Variants in ZNF667 observed in about 807,000 individuals in gnomAD.
ZNF667 encodes myocardial ischemic preconditioning upregulated 1 ortholog.
Under a neutral mutation model 31.8 loss-of-function variants are expected in ZNF667, and 13 were observed. That is an observed-to-expected ratio of 0.41 (90% CI 0.27 to 0.65). The LOEUF (loss-of-function observed/expected upper bound fraction) is 0.65, where lower values mean the gene tolerates loss of function less well. ZNF667 is among the 30% of genes least tolerant of loss of function. The pLI, the probability that ZNF667 is intolerant of heterozygous loss-of-function variation, is 0.32. For missense variants in ZNF667, 642 were observed against 725.6 expected (o/e 0.88, Z 1.32); for synonymous variants, 228 against 247.1 (o/e 0.92, Z 0.73).
At chr19:56,465,078 T>C (rs763911976) in intron 3 of ZNF667, among the ~76,000 whole-genome samples, 2 of 152,236 alleles carry the variant, frequency 1.3e-5, no homozygotes, top group African/African-American at 2.4e-5. Flanking sequence ...GGCAGTTGTC[T>C]GAAAGTTGTA....
intron 6 of ZNF667, among the ~76,000 whole-genome samples, chr19:56,445,993 C>A (rs1005043412): frequency 9.9e-5 from 15 of 152,068 alleles, no homozygotes; most frequent in African/African-American, 3.6e-4. Context: ...ACCTCCAACA[C>A]TGAGGATTAA....
At chr19:56,448,752 A>G (rs987367404) in intron 6 of ZNF667, among the ~76,000 whole-genome samples, 4 of 152,178 alleles carry the variant, frequency 2.6e-5, no homozygotes, top group African/African-American at 9.6e-5. Flanking sequence ...CCTAAAGGGA[A>G]AAACAGGCCT....
At position 56,441,400 on chromosome 19, in the gene ZNF667, CAT is replaced by C. The variant is rs750596119; in HGVS notation, c.1593_1594del (p.Cys532TrpfsTer2). On this transcript the variant is annotated frameshift_variant, in exon 7 of 7. Coordinates refer to ENST00000504904, the MANE Select transcript of ZNF667 (RefSeq NM_001321356.2). LOFTEE classifies it high-confidence loss of function. This position sits in a 1 kb window ranked among gnomAD's most constrained non-coding sequence, Gnocchi z 4.2. Reference sequence around the variant, plus strand: ...TGTGCGCTGACTAAAGGCCTTACCACATGTTTTGCATGTATATGGCTTCTCTC... The same window carrying C: ...TGTGCGCTGACTAAAGGCCTTACCACGTTTTGCATGTATATGGCTTCTCTC... 55 of 1,614,060 alleles carry C rather than the reference CAT, an allele frequency of 3.4e-5. No individual in the cohort carries two copies. Among genetic ancestry groups the C allele is most frequent in the African/African-American group, 4.0e-5 (3 of 74,926 alleles).
chr19:56,441,824 A>G lies in ZNF667; in HGVS notation c.1171T>C (p.Cys391Arg). The stretch of plus-strand genomic sequence containing the variant: ...GAATGCCGATTGCAGACCTTCTCAC[A>G]TTTATTGCATCTGTATAGTTTTTCT... Reference protein sequence around the residue: ...NGEKLYRCNKCEKVCNRHSSL... With the variant: ...NGEKLYRCNKREKVCNRHSSL... The change falls in exon 7 of 7, where the codon TGT becomes CGT. Residue 391 changes from cysteine to arginine, a missense_variant. Transcript: ENST00000504904. The surrounding 1 kb of genome is among the most constrained non-coding windows in gnomAD (Gnocchi z 4.2). 6.2e-7 allele frequency: 1 copy of G among 1,614,086 alleles called. No individual in the cohort carries two copies.
intron 3 of ZNF667, chr19:56,466,873 T>A: frequency 2.5e-6 from 1 of 397,380 alleles, no homozygotes; most frequent in South Asian, 1.9e-5. Flanking sequence ...ACATTCCAGG[T>A]TTAATGACAG....
chr19:56,444,300 C>T (rs557842339), intron 6 of ZNF667: 15 of 398,186 alleles, frequency 3.8e-5, no homozygotes, highest in South Asian at 2.6e-4. Context: ...TGGTGAAAGA[C>T]GAAGTAGGAG....
At chr19:56,449,928 TAGTC>T (rs1194500910) in intron 6 of ZNF667, among the ~76,000 whole-genome samples, 4 of 150,236 alleles carry the variant, frequency 2.7e-5, no homozygotes, top group African/African-American at 4.9e-5. Flanking sequence ...TTTGAAAATA[TAGTC>T]AGAGGAGTCA....
At chr19:56,463,301 T>C (rs1187684273) in intron 3 of ZNF667, among the ~76,000 whole-genome samples, 1 of 152,056 alleles carries the variant, frequency 6.6e-6, no homozygotes, top group African/African-American at 2.4e-5. Context: ...CTAGGTAGCT[T>C]TGCAGAAATC....
chr19:56,464,481 G>A (rs988007976), intron 3 of ZNF667, among the ~76,000 whole-genome samples: 2 of 152,222 alleles, frequency 1.3e-5, no homozygotes, highest in Admixed American at 1.3e-4. Context: ...GTAGCAGAGT[G>A]AGACCCTGTC....
At chr19:56,470,384 A>G (rs1339335465) in intron 3 of ZNF667, among the ~76,000 whole-genome samples, 3 of 152,234 alleles carry the variant, frequency 2.0e-5, no homozygotes, top group Non-Finnish European at 4.4e-5. Context: ...GACGATGAGA[A>G]TGAAAGCTGT....
chr19:56,471,624 C>A (rs772909098), intron 3 of ZNF667, 75 bp downstream of exon 3: 1 of 152,148 alleles, frequency 6.6e-6, no homozygotes. Context: ...TTTTGAAACA[C>A]GTTCATTTGT....
chr19:56,465,630 G>A (rs1341183910), intron 3 of ZNF667, among the ~76,000 whole-genome samples: 5 of 152,352 alleles, frequency 3.3e-5, no homozygotes, highest in South Asian at 4.1e-4. Flanking sequence ...CTTGCCCAAC[G>A]TCATAAGGTA....
At chr19:56,462,253 C>T (rs2043060244) in intron 4 of ZNF667, 85 bp downstream of exon 4, 1 of 1,549,102 alleles carries the variant, frequency 6.5e-7, no homozygotes, top group Non-Finnish European at 8.9e-7. Flanking sequence ...CAACAGGCAA[C>T]AAGTCTCCAT....
chr19:56,464,779 C>T (rs562545370), intron 3 of ZNF667, among the ~76,000 whole-genome samples: 3 of 152,078 alleles, frequency 2.0e-5, no homozygotes, highest in African/African-American at 4.8e-5. Flanking sequence ...TTTTGTTCAC[C>T]GCTCTACTCC....
intron 6 of ZNF667, among the ~76,000 whole-genome samples, chr19:56,450,235 A>G (rs1196300036): frequency 2.0e-5 from 3 of 152,192 alleles, no homozygotes; most frequent in African/African-American, 7.2e-5. Context: ...GAAAAGAAAC[A>G]ACATAAAACG....
intron 6 of ZNF667, chr19:56,449,702 A>C (rs1348656308): frequency 6.6e-6 from 1 of 151,470 alleles, no homozygotes; most frequent in Non-Finnish European, 1.5e-5. Context: ...AAAAAAAAAA[A>C]GCTATTTTGA....
chr19:56,469,162 GC>G (rs2043230942), intron 3 of ZNF667, among the ~76,000 whole-genome samples: 1 of 152,328 alleles, frequency 6.6e-6, no homozygotes, highest in African/African-American at 2.4e-5. Flanking sequence ...GCTGAAGCCG[GC>G]CTGTGAGGCC....
Position 56,462,420 on chromosome 19 carries a change from T to A in ZNF667, c.-50A>T. ...CACTGAGAGATGGGCAGAGAGCTGG[T>A]AAGGCAGGGCTGTGGGGAGAAGACA... is the stretch of plus-strand genomic sequence containing the variant. On this transcript the variant is annotated 5_prime_UTR_variant, in exon 4 of 7. Coordinates refer to ENST00000504904, the MANE Select transcript of ZNF667 (RefSeq NM_001321356.2). 1 of 1,611,928 alleles carries A rather than the reference T, an allele frequency of 6.2e-7. No homozygotes were observed. Among genetic ancestry groups the A allele is most frequent in the Non-Finnish European group, 8.5e-7 (1 of 1,178,028 alleles).
At position 56,442,087 on chromosome 19, in the gene ZNF667, T is replaced by A; in HGVS notation, c.908A>T (p.His303Leu). The A allele has an allele frequency of 6.2e-7, 1 of 1,614,178 alleles. No homozygotes were observed. Among genetic ancestry groups the A allele is most frequent in the South Asian group, 1.1e-5 (1 of 91,068 alleles). The change falls in exon 7 of 7, where the codon CAT becomes CTT. Residue 303 changes from histidine to leucine, a missense_variant. Physicochemically the swap from His to Leu is moderately conservative, Grantham distance 99 (BLOSUM62 -3). Coordinates refer to ENST00000504904, the MANE Select transcript of ZNF667 (RefSeq NM_001321356.2). ...ATTTTCAGGGATTTTCTCTCCAGCA[T>A]GAATTCTTTTATGTACAACAAAGAC... Reference protein sequence around the residue: ...KSVFVVHKRIHAGEKIPENAK... With the variant: ...KSVFVVHKRILAGEKIPENAK...
Sources: allele counts gnomAD v4.1 joint callset (sites outside exome capture counted in the v4.1 genomes callset), GRCh38; gene constraint gnomAD v4.1.1; non-coding constraint Gnocchi (gnomAD v3.1); transcripts MANE v1.5; gene names NCBI Gene and HGNC (gene_info 2026-07-23, HGNC 2026-07-21).